The following CDIN1 variants were observed in gnomAD, a reference collection of about 807,000 sequenced individuals.
CDIN1 encodes CDAN1-interacting nuclease 1.
Under a neutral mutation model 45.3 loss-of-function variants are expected in CDIN1, and 33 were observed. The observed-to-expected ratio is 0.73, with a 90% CI of 0.55 to 0.97. CDIN1 has a LOEUF of 0.97. CDIN1 is among the 50% of genes least tolerant of loss of function. The pLI, the probability that CDIN1 is intolerant of heterozygous loss-of-function variation, is 0.00. For synonymous variants in CDIN1, 118 were observed against 124.4 expected (o/e 0.95, Z 0.34); for missense variants, 303 against 339.4 (o/e 0.89, Z 0.84).
At chr15:36,713,266 A>G (rs1417568212) in intron 10 of CDIN1, among the ~76,000 whole-genome samples, 1 of 152,156 alleles carries the variant, frequency 6.6e-6, no homozygotes, top group Non-Finnish European at 1.5e-5. Flanking sequence ...GTGACCAACA[A>G]CCACTGATCA....
At chr15:36,621,484 T>C (rs1446118717) in intron 1 of CDIN1, among the ~76,000 whole-genome samples, 1 of 152,206 alleles carries the variant, frequency 6.6e-6, no homozygotes, top group Non-Finnish European at 1.5e-5. Context: ...TTTGAAACTA[T>C]TCATTTCTAT....
chr15:36,636,603 A>G (rs2039909161), intron 1 of CDIN1, among the ~76,000 whole-genome samples: 1 of 152,144 alleles, frequency 6.6e-6, no homozygotes, highest in African/African-American at 2.4e-5. Context: ...AAAGAGTGGA[A>G]AGGAAGGAAT....
At chr15:36,691,090 A>G (rs940491460) in intron 5 of CDIN1, 3 of 502,390 alleles carry the variant, frequency 6.0e-6, no homozygotes, top group Non-Finnish European at 1.2e-5. Context: ...CTTATTTAAG[A>G]TTCTCTCAAT....
chr15:36,581,372 ATAAG>A (rs1200293304), intron 1 of CDIN1, among the ~76,000 whole-genome samples: 1 of 152,152 alleles, frequency 6.6e-6, no homozygotes, highest in African/African-American at 2.4e-5. Context: ...CTTCTCTATA[ATAAG>A]TAAGTGTCTG....
intron 1 of CDIN1, among the ~76,000 whole-genome samples, chr15:36,593,454 C>T (rs1232980882): frequency 1.3e-5 from 2 of 152,122 alleles, no homozygotes; most frequent in African/African-American, 2.4e-5. Flanking sequence ...TCTTCCAGGG[C>T]AAGGAGATTT....
At chr15:36,780,353 CAT>C (rs1488384007) in intron 10 of CDIN1, among the ~76,000 whole-genome samples, 7 of 152,156 alleles carry the variant, frequency 4.6e-5, no homozygotes, top group Non-Finnish European at 8.8e-5. Flanking sequence ...TGTAATAAGA[CAT>C]GTGTAAACCA....
intron 10 of CDIN1, among the ~76,000 whole-genome samples, chr15:36,745,881 G>T (rs1395573069): frequency 6.6e-6 from 1 of 151,966 alleles, no homozygotes; most frequent in East Asian, 1.9e-4. Flanking sequence ...CAGGAGAATC[G>T]CTTGAACCCA....
intron 10 of CDIN1, among the ~76,000 whole-genome samples, chr15:36,718,186 C>T (rs1056642941): frequency 3.9e-5 from 6 of 152,032 alleles, no homozygotes; most frequent in East Asian, 1.9e-4. Context: ...TGTTCATATA[C>T]GTGTGGGCCT....
rs181702584 is a variant in CDIN1 at position 36,637,930 on chromosome 15, A to G, written c.102-6348A>G. On this transcript the variant is annotated intron_variant, in intron 1 of 10. Coordinates refer to ENST00000566621, the MANE Select transcript of CDIN1 (RefSeq NM_001321759.2). ...GTAAAACTATCAAGAAAAACTAGGA[A>G]AGATCAGAAGTGGCTCATTTGTGAG... is the stretch of plus-strand genomic sequence containing the variant. Among the ~76,000 whole-genome samples the G allele has an allele frequency of 2.2e-3, 334 of 152,230 alleles. 2 individuals carry two copies. Among genetic ancestry groups the G allele is most frequent in the Non-Finnish European group, 3.6e-3 (242 of 68,012 alleles).
chr15:36,733,483 GGTTA>G (rs1487716711), intron 10 of CDIN1, among the ~76,000 whole-genome samples: 3 of 151,988 alleles, frequency 2.0e-5, no homozygotes, highest in Non-Finnish European at 4.4e-5. Flanking sequence ...TTATATTAAA[GGTTA>G]GTTAGCCAAA....
intron 1 of CDIN1, chr15:36,594,935 T>G (rs2037743599): frequency 1.0e-6 from 1 of 982,008 alleles, no homozygotes; most frequent in Non-Finnish European, 1.2e-6. Context: ...TCATCTGTTT[T>G]TATGAAGTTT....
intron 10 of CDIN1, among the ~76,000 whole-genome samples, chr15:36,717,750 C>G (rs1348045101): frequency 6.6e-6 from 1 of 152,050 alleles, no homozygotes; most frequent in Non-Finnish European, 1.5e-5. Context: ...TACAAAATGA[C>G]TAAACTCTTT....
At chr15:36,727,484 GA>G (rs948596306) in intron 10 of CDIN1, among the ~76,000 whole-genome samples, 15 of 152,118 alleles carry the variant, frequency 9.9e-5, no homozygotes, top group African/African-American at 3.6e-4. Context: ...TGAAGGCAGC[GA>G]AAAATGTTGT....
At chr15:36,790,751 A>G (rs756227853) in intron 10 of CDIN1, among the ~76,000 whole-genome samples, 2 of 152,192 alleles carry the variant, frequency 1.3e-5, no homozygotes, top group Non-Finnish European at 2.9e-5. Flanking sequence ...TATTCCAGCA[A>G]ATTCCCTGGG....
intron 5 of CDIN1, among the ~76,000 whole-genome samples, chr15:36,679,630 T>C (rs1269652257): frequency 6.6e-6 from 1 of 152,214 alleles, no homozygotes; most frequent in African/African-American, 2.4e-5. Context: ...TTTCTTCTTT[T>C]GAGGAAGATG....
intron 1 of CDIN1, among the ~76,000 whole-genome samples, chr15:36,609,052 C>T (rs2038522186): frequency 6.6e-6 from 1 of 152,162 alleles, no homozygotes; most frequent in African/African-American, 2.4e-5. Context: ...GCTCTGTCGC[C>T]TAGGCTGGAG....
intron 10 of CDIN1, among the ~76,000 whole-genome samples, chr15:36,720,332 G>T (rs2043367122): frequency 6.6e-6 from 1 of 151,256 alleles, no homozygotes; most frequent in Non-Finnish European, 1.5e-5. Context: ...CAACGTGCAG[G>T]TTTGATACAT....
At chr15:36,691,129 T>G (rs1464525261) in intron 5 of CDIN1, 4 of 517,960 alleles carry the variant, frequency 7.7e-6, no homozygotes, top group Non-Finnish European at 3.9e-6. Flanking sequence ...TTTCCTCACT[T>G]GTGGAATGGA....
chr15:36,616,811 G>C (rs2038915145), intron 1 of CDIN1, among the ~76,000 whole-genome samples: 1 of 151,962 alleles, frequency 6.6e-6, no homozygotes, highest in Admixed American at 6.6e-5. Context: ...TGTAATCCCA[G>C]CTACTCAGGA....
Sources: gnomAD v4.1 joint callset for allele counts (sites outside exome capture counted in the v4.1 genomes callset) on GRCh38, gnomAD v4.1.1 for gene constraint, MANE v1.5 for transcripts, NCBI Gene and HGNC (gene_info 2026-07-23, HGNC 2026-07-21) for gene names.